E4F1: variants seen among roughly 807,000 people sequenced by gnomAD.
The protein encoded by E4F1 is transcription factor E4F1.
A neutral mutation model predicts 72.9 loss-of-function variants in E4F1; 30 were observed. The observed-to-expected ratio is 0.41, with a 90% CI of 0.31 to 0.56. E4F1 has a LOEUF of 0.56. Among genes scored for constraint, E4F1 ranks in the 20% least tolerant of loss-of-function variants. The pLI is 0.25. For missense variants in E4F1, 1,091 were observed against 1,117.5 expected, an observed-to-expected ratio of 0.98 and a Z score of 0.34; for synonymous variants, 542 against 478.2, an observed-to-expected ratio of 1.13 and a Z score of -1.74.
intron 3 of E4F1, 148 bp downstream of exon 3, chr16:2,229,823 A>T: frequency 2.5e-6 from 2 of 784,912 alleles, no homozygotes; most frequent in Non-Finnish European, 4.1e-6. Flanking sequence ...TTCTGCGGGC[A>T]CAGCCTGCAG....
intron 1 of E4F1, among the ~76,000 whole-genome samples, chr16:2,225,360 A>G (rs1188183254): frequency 6.6e-6 from 1 of 150,870 alleles, no homozygotes; most frequent in Admixed American, 6.6e-5. Flanking sequence ...ATGGCTGGGC[A>G]CTGTGGCTCA....
At chr16:2,224,329 CTG>C (rs1397508632) in intron 1 of E4F1, among the ~76,000 whole-genome samples, 1 of 152,258 alleles carries the variant, frequency 6.6e-6, no homozygotes, top group Non-Finnish European at 1.5e-5. Context: ...GACCCTACCT[CTG>C]TGAACCTCTA....
At chr16:2,229,539 C>A (rs758203892) in intron 2 of E4F1, 31 bp from the exon 3 acceptor site, 1 of 1,596,016 alleles carries the variant, frequency 6.3e-7, no homozygotes, top group Non-Finnish European at 8.5e-7. Context: ...AGCATACAGA[C>A]GACTCCCCTG....
At position 2,235,154 on chromosome 16, in the gene E4F1, G is replaced by A; in HGVS notation, c.1998+11G>A. The A allele has an allele frequency of 1.2e-6, 2 of 1,611,660 alleles. No homozygotes were observed. Among genetic ancestry groups the A allele is most frequent in the Non-Finnish European group, 1.7e-6 (2 of 1,179,762 alleles). Reference sequence around the variant, plus strand: ...GGCACCCAGACAGAGGTGAGGGGTAGGGCAGGCGGGGGCGGGGAGGCTCCC... The same window carrying A: ...GGCACCCAGACAGAGGTGAGGGGTAAGGCAGGCGGGGGCGGGGAGGCTCCC... On this transcript the variant is annotated intron_variant, in intron 13 of 13. Transcript: ENST00000301727.
Position 2,229,578 on chromosome 16 carries a change from G to T in E4F1, c.318G>T (p.Pro106=). ...TCTTCCCCCTTTGGCAGGTGGTGCC[G>T]GCAGCACCAGGCCCAGAGGAGCCCA... ...TTALLGQEVV[P]AAPGPEEPIT... is the part of the protein sequence containing the mutation. The change falls in exon 3 of 14, where the codon CCG becomes CCT. Residue 106 remains proline, a synonymous_variant. Transcript: ENST00000301727. The T allele has an allele frequency of 6.2e-7, 1 of 1,610,910 alleles. No individual in the cohort carries two copies. The highest frequency in any genetic ancestry group is 1.7e-4 in the Middle Eastern group (1 of 6,056).
chr16:2,234,038 G>A, intron 9 of E4F1, 48 bp downstream of exon 9: 1 of 1,539,330 alleles, frequency 6.5e-7, no homozygotes, highest in South Asian at 1.2e-5. Context: ...TGGGCTATAG[G>A]TGGCCGGGGT....
Position 2,235,684 on chromosome 16 carries a change from A to G in E4F1, c.*112A>G. On this transcript the variant is annotated 3_prime_UTR_variant, in exon 14 of 14. Coordinates refer to ENST00000301727, the MANE Select transcript of E4F1 (RefSeq NM_004424.5). ...GATGGCACAGGATGGAGGCGCCCCA[A>G]GACGGACAGTGTACATAAGAGTTTC... 1.2e-6 allele frequency: 1 copy of G among 853,680 alleles called. No homozygotes were observed. The highest frequency in any genetic ancestry group is 1.8e-5 in the South Asian group (1 of 55,852). 52.9% of individuals were successfully genotyped at this position (853,680 alleles called of 1,614,324 possible). A position where few individuals can be genotyped will look rare whatever the true frequency, so the allele number is the denominator to read the frequency against.
chr16:2,234,819 G>GGGGGGGC, intron 11 of E4F1, 38 bp downstream of exon 11: 1 of 1,386,650 alleles, frequency 7.2e-7, no homozygotes, highest in Non-Finnish European at 9.9e-7. Context: ...AGGGGAGGGG[G>GGGGGGGC]CCGGGGCTTG....
chr16:2,228,459 G>T lies in E4F1; in HGVS notation c.245G>T (p.Cys82Phe), dbSNP rs1276368344. The T allele has an allele frequency of 6.2e-7, 1 of 1,613,316 alleles. No homozygotes were observed. The highest frequency in any genetic ancestry group is 1.1e-5 in the South Asian group (1 of 91,082). The change falls in exon 2 of 14, where the codon TGC (cysteine) becomes TTC (phenylalanine). Residue 82 changes from cysteine (C) to phenylalanine (F), a missense_variant. Physicochemically the swap from Cys to Phe is radical, Grantham distance 205. Coordinates refer to ENST00000301727, the MANE Select transcript of E4F1 (RefSeq NM_004424.5). ...DFVQHKIQKA[C>F]QRAPPEALPA... ...GTTCAGCACAAGATTCAGAAGGCCT[G>T]CCAGCGGGCCCCTCCGGAGGCCCTG... is the stretch of plus-strand genomic sequence containing the variant.
At chr16:2,230,188 G>A (rs115208946) in intron 3 of E4F1, 53 of 171,326 alleles carry the variant, frequency 3.1e-4, no homozygotes, top group African/African-American at 1.2e-3. Flanking sequence ...AGTGGTGATT[G>A]CTACACTGGT....
chr16:2,234,684 C>T lies in E4F1; in HGVS notation c.1695C>T (p.His565=), dbSNP rs774544014. The T allele has an allele frequency of 5.8e-5, 91 of 1,579,400 alleles. No homozygotes were observed. The highest frequency in any genetic ancestry group is 1.7e-4 in the Middle Eastern group (1 of 5,744). The change falls in exon 11 of 14, where the codon CAC becomes CAT. Residue 565 remains histidine (H), a synonymous_variant. Coordinates refer to ENST00000301727, the MANE Select transcript of E4F1 (RefSeq NM_004424.5). ...GAGAGAAGGGCTCACTGGTGCGGCA[C>T]GTGCGACACCACACAGGCGAGAAGC... The part of the protein sequence containing the change: ...GFREKGSLVR[H]VRHHTGEKPF...
At position 2,235,348 on chromosome 16, in the gene E4F1, A is replaced by T. The variant is rs1206556162; in HGVS notation, c.2131A>T (p.Ile711Phe). The T allele has an allele frequency of 6.2e-7, 1 of 1,610,202 alleles. No individual in the cohort carries two copies. The highest frequency in any genetic ancestry group is 8.5e-7 in the Non-Finnish European group (1 of 1,179,894). The change falls in exon 14 of 14, where the codon ATC becomes TTC. Residue 711 changes from isoleucine (I) to phenylalanine (F), a missense_variant. Coordinates refer to ENST00000301727, the MANE Select transcript of E4F1 (RefSeq NM_004424.5). ...CCCAGAGGCGGCTGCCGCCGACACC[A>T]TCACCATCGCCACCCCCGAGAGCCT... ...LGPEAAAADT[I>F]TIATPESLTE...
In E4F1 at chr16:2,233,828, A is replaced by G; in HGVS notation, c.1267-54A>G. ...TGGGGCCCATGGTTGTGTTCTTGGT[A>G]CTGCCAGGGCACAGCCTGCCCCGGG... On this transcript the variant is annotated intron_variant, in intron 8 of 13. Coordinates refer to ENST00000301727, the MANE Select transcript of E4F1 (RefSeq NM_004424.5). The G allele has an allele frequency of 2.0e-6, 3 of 1,492,936 alleles. No individual in the cohort carries two copies. In the South Asian group the frequency reaches 3.8e-5, roughly 19 times the overall value. The allele number at this position is 1,492,936 out of a possible 1,614,324, so 92.5% of individuals were successfully genotyped here.
chr16:2,233,337 T>A, intron 7 of E4F1, 101 bp from the exon 8 acceptor site: 1 of 1,421,978 alleles, frequency 7.0e-7, no homozygotes, highest in Non-Finnish European at 9.3e-7. Context: ...GCCATGGGGG[T>A]CTGAGGGTTT....
In E4F1 at chr16:2,232,244, G is replaced by T. The variant is rs771680213; in HGVS notation, c.489G>T (p.Pro163=). ...GAGACGGTGAGATGGCCGAGGCCCCGGGCAGCCCCCGCCAGCAGGGGCTGG... is the reference window on the plus strand; with the variant it reads ...GAGACGGTGAGATGGCCGAGGCCCCTGGCAGCCCCCGCCAGCAGGGGCTGG... ...ELGDGEMAEA[P]GSPRQQGLGL... is the part of the protein sequence containing the mutation. The change falls in exon 4 of 14, where the codon CCG becomes CCT. Residue 163 remains proline, a synonymous_variant. Transcript: ENST00000301727. The T allele has an allele frequency of 1.9e-6, 3 of 1,612,662 alleles. No homozygotes were observed. The highest frequency in any genetic ancestry group is 1.3e-5 in the African/African-American group (1 of 75,032).
rs1389185998 is a variant in E4F1, at chr16:2,234,705, G to A, written c.1716G>A (p.Glu572=). Residue 572 remains glutamate (E), a synonymous_variant, in exon 11 of 14, where the codon GAG becomes GAA. Coordinates refer to ENST00000301727, the MANE Select transcript of E4F1 (RefSeq NM_004424.5). ...GGCACGTGCGACACCACACAGGCGA[G>A]AAGCCGTTCAAGTGCTACAAGTGCG... ...LVRHVRHHTG[E]KPFKCYKCGR... The A allele has an allele frequency of 6.4e-7, 1 of 1,570,208 alleles. No individual in the cohort carries two copies. The highest frequency in any genetic ancestry group is 1.8e-5 in the Admixed American group (1 of 54,062).
rs2093485277 is a variant in E4F1 at position 2,233,921 on chromosome 16, C to G, written c.1306C>G (p.Pro436Ala). The G allele has an allele frequency of 6.2e-7, 1 of 1,603,826 alleles. No homozygotes were observed. Among genetic ancestry groups the G allele is most frequent in the South Asian group, 1.1e-5 (1 of 89,460 alleles). The change falls in exon 9 of 14, where the codon CCA (proline) becomes GCA (alanine). Residue 436 changes from proline (P) to alanine (A), a missense_variant. Physicochemically the swap from Pro to Ala is conservative, Grantham distance 27. This residue lies in a region of E4F1 where 622 missense variants were observed against 628.0 expected (regional missense o/e 0.99). Coordinates refer to ENST00000301727, the MANE Select transcript of E4F1 (RefSeq NM_004424.5). The stretch of plus-strand genomic sequence containing the variant: ...GGCCTCAGCGGTGCCCAGGACCCAC[C>G]CATGTCCTCAGTGCAGTGAGACCTT... ...SEASAVPRTH[P>A]CPQCSETFPT...
chr16:2,225,539 T>C (rs2093426030), intron 1 of E4F1, among the ~76,000 whole-genome samples: 1 of 151,060 alleles, frequency 6.6e-6, no homozygotes, highest in Admixed American at 6.6e-5. Flanking sequence ...AATGGTGCGA[T>C]CTCGGCTCAC....
At chr16:2,232,939 T>A in intron 6 of E4F1, 31 bp downstream of exon 6, 1 of 1,612,770 alleles carries the variant, frequency 6.2e-7, no homozygotes, top group Non-Finnish European at 8.5e-7. Flanking sequence ...TGCCTGGTCC[T>A]GGGGGCTGGC....
Sources: allele counts gnomAD v4.1 joint callset (sites outside exome capture counted in the v4.1 genomes callset), GRCh38; gene constraint gnomAD v4.1.1; regional missense constraint gnomAD v4.1.1; transcripts MANE v1.5; gene names NCBI Gene and HGNC (gene_info 2026-07-23, HGNC 2026-07-21).